Variants in CTNND2 observed in about 807,000 individuals in gnomAD.
CTNND2 encodes catenin delta-2.
In CTNND2, 22 loss-of-function variants were observed where a neutral mutation model predicts 144.4. That is an observed-to-expected ratio of 0.15 (90% CI 0.11 to 0.22). CTNND2 has a LOEUF of 0.22. Ranked by LOEUF, CTNND2 falls within the 10% of genes least tolerant of loss-of-function variation. The pLI, the probability that CTNND2 is intolerant of heterozygous loss-of-function variation, is 1.00. For missense variants in CTNND2, 1,353 were observed against 1,618.8 expected, an observed-to-expected ratio of 0.84 and a Z score of 2.82; for synonymous variants, 751 against 695.6, an observed-to-expected ratio of 1.08 and a Z score of -1.25.
chr5:11,720,531 C>G (rs1353496506), intron 2 of CTNND2, among the ~76,000 whole-genome samples: 1 of 151,994 alleles, frequency 6.6e-6, no homozygotes, highest in Non-Finnish European at 1.5e-5. Context: ...TCCTACAGCC[C>G]CCCTTCCTGT....
chr5:11,483,918 T>C (rs1275804199), intron 3 of CTNND2, among the ~76,000 whole-genome samples: 1 of 152,092 alleles, frequency 6.6e-6, no homozygotes, highest in Non-Finnish European at 1.5e-5. Flanking sequence ...GAAAACTGGA[T>C]TGGGATAGAC....
At chr5:11,506,628 T>A (rs1771061377) in intron 3 of CTNND2, among the ~76,000 whole-genome samples, 1 of 152,236 alleles carries the variant, frequency 6.6e-6, no homozygotes, top group Non-Finnish European at 1.5e-5. Context: ...ACCATTTTAG[T>A]ATGCATATGT....
At chr5:11,869,963 G>A (rs1201337684) in intron 1 of CTNND2, among the ~76,000 whole-genome samples, 1 of 152,142 alleles carries the variant, frequency 6.6e-6, no homozygotes, top group South Asian at 2.1e-4. Context: ...ATCTCAAAAT[G>A]TCTGCACCTT....
At chr5:11,619,880 C>T (rs368419931) in intron 2 of CTNND2, among the ~76,000 whole-genome samples, 16 of 151,020 alleles carry the variant, frequency 1.1e-4, no homozygotes, top group African/African-American at 3.7e-4. Flanking sequence ...ATTTAAATCA[C>T]TCACAGAAGA....
intron 3 of CTNND2, among the ~76,000 whole-genome samples, chr5:11,426,608 A>G (rs1462901306): frequency 6.6e-6 from 1 of 152,192 alleles, no homozygotes; most frequent in Non-Finnish European, 1.5e-5. Flanking sequence ...GTGTTGTGGG[A>G]GTTGAGTGAG....
chr5:11,460,235 G>A (rs1321412364), intron 3 of CTNND2, among the ~76,000 whole-genome samples: 4 of 152,052 alleles, frequency 2.6e-5, no homozygotes, highest in African/African-American at 7.2e-5. Context: ...CCCAGATCAC[G>A]GGACTACTGA....
chr5:11,472,752 T>C (rs946681306), intron 3 of CTNND2, among the ~76,000 whole-genome samples: 2 of 152,208 alleles, frequency 1.3e-5, no homozygotes, highest in African/African-American at 4.8e-5. Flanking sequence ...TGCAGTATAT[T>C]TTCTAATTTG....
intron 21 of CTNND2, 46 bp downstream of exon 21, chr5:10,981,725 CAT>C (rs763233981): frequency 8.0e-6 from 12 of 1,503,894 alleles, no homozygotes; most frequent in African/African-American, 4.2e-5. Context: ...GGTTATTTCA[CAT>C]GAGTCACACT....
chr5:11,638,325 A>G (rs1781818208), intron 2 of CTNND2, among the ~76,000 whole-genome samples: 1 of 152,138 alleles, frequency 6.6e-6, no homozygotes, highest in African/African-American at 2.4e-5. Context: ...ATGTTTGCCA[A>G]TTTTTTACTT....
At chr5:11,378,550 G>C (rs1374303581) in intron 7 of CTNND2, among the ~76,000 whole-genome samples, 1 of 152,190 alleles carries the variant, frequency 6.6e-6, no homozygotes, top group African/African-American at 2.4e-5. Context: ...TAAATATCTA[G>C]CACTAGAGTG....
In CTNND2 at chr5:11,546,342, T is replaced by C. The variant is rs905542004; in HGVS notation, c.287+18602A>G. 1.1e-4 allele frequency among the ~76,000 whole-genome samples: 17 copies of C among 152,232 alleles called. No homozygotes were observed. The South Asian group carries it at 2.3e-3, about 20-fold the overall frequency. Reference sequence around the variant, plus strand: ...CAGTTCTTTTAATGATAAAGATTAATGTAATTCCATTAAATAAAAAAGGTT... The same window carrying C: ...CAGTTCTTTTAATGATAAAGATTAACGTAATTCCATTAAATAAAAAAGGTT... On this transcript the variant is annotated intron_variant, in intron 3 of 21. Transcript: ENST00000304623.
At chr5:11,607,853 A>T (rs1780129174) in intron 2 of CTNND2, among the ~76,000 whole-genome samples, 2 of 152,194 alleles carry the variant, frequency 1.3e-5, no homozygotes, top group Non-Finnish European at 2.9e-5. Flanking sequence ...CTATGAGCAG[A>T]AATTGATACC....
At chr5:10,976,276 C>T (rs1736475826) in intron 21 of CTNND2, among the ~76,000 whole-genome samples, 1 of 151,612 alleles carries the variant, frequency 6.6e-6, no homozygotes. Context: ...ATATTGGCTG[C>T]ATTTTAAACT....
rs568707512 is a variant in CTNND2, at chr5:11,173,188, C to T, written c.1976-13429G>A. On this transcript the variant is annotated intron_variant, in intron 11 of 21. Transcript: ENST00000304623. Reference sequence around the variant, plus strand: ...GTACCCGTGCCCTCTGGCTTGCAGCCAACCACAGGGTTCAGCTAATGGAAG... The same window carrying T: ...GTACCCGTGCCCTCTGGCTTGCAGCTAACCACAGGGTTCAGCTAATGGAAG... 1.3e-4 allele frequency among the ~76,000 whole-genome samples: 20 copies of T among 152,362 alleles called. No individual in the cohort carries two copies. In the South Asian group the frequency reaches 3.9e-3, roughly 30 times the overall value.
chr5:11,542,060 T>C (rs1013730908), intron 3 of CTNND2, among the ~76,000 whole-genome samples: 1 of 151,800 alleles, frequency 6.6e-6, no homozygotes, highest in Non-Finnish European at 1.5e-5. Context: ...AAAAGCACAA[T>C]GTAATTATTA....
chr5:11,257,074 A>T (rs1744329472), intron 9 of CTNND2, among the ~76,000 whole-genome samples: 1 of 152,260 alleles, frequency 6.6e-6, no homozygotes, highest in African/African-American at 2.4e-5. Flanking sequence ...AGGTCACAGG[A>T]AATTAATCTC....
At chr5:11,355,593 C>T (rs928014609) in intron 8 of CTNND2, among the ~76,000 whole-genome samples, 1 of 152,110 alleles carries the variant, frequency 6.6e-6, no homozygotes, top group Non-Finnish European at 1.5e-5. Context: ...CAAGGGAAAG[C>T]TAATAGCTTT....
At chr5:11,728,090 A>G (rs1787119936) in intron 2 of CTNND2, among the ~76,000 whole-genome samples, 1 of 152,244 alleles carries the variant, frequency 6.6e-6, no homozygotes. Flanking sequence ...TTTAGATTTT[A>G]AATGAATCTT....
intron 15 of CTNND2, among the ~76,000 whole-genome samples, 163 bp downstream of exon 15, chr5:11,098,412 A>G (rs1192069834): frequency 6.6e-6 from 1 of 152,222 alleles, no homozygotes; most frequent in African/African-American, 2.4e-5. Context: ...TCAATTTTTA[A>G]AAGGAATACA....
Sources: gnomAD v4.1 joint callset for allele counts (sites outside exome capture counted in the v4.1 genomes callset) on GRCh38, gnomAD v4.1.1 for gene constraint, MANE v1.5 for transcripts, NCBI Gene and HGNC (gene_info 2026-07-23, HGNC 2026-07-21) for gene names.